The following FRA10AC1 variants were observed in gnomAD, a reference collection of about 807,000 sequenced individuals.
FRA10AC1 encodes the protein protein FRA10AC1.
In FRA10AC1, 43 loss-of-function variants were observed where a neutral mutation model predicts 56.5. The observed-to-expected ratio is 0.76, with a 90% CI of 0.60 to 0.98. The LOEUF is 0.98. Among genes scored for constraint, FRA10AC1 ranks in the 50% least tolerant of loss-of-function variants. The probability of loss-of-function intolerance (pLI) is 0.00; values close to 1 mark genes in which losing one functional copy is unlikely to be tolerated. For missense variants in FRA10AC1, 346 were observed against 351.8 expected (o/e 0.98, Z 0.13); for synonymous variants, 112 against 110.5 (o/e 1.01, Z -0.09).
At chr10:93,686,996 G>A (rs112951119) in intron 8 of FRA10AC1, among the ~76,000 whole-genome samples, 12 of 151,912 alleles carry the variant, frequency 7.9e-5, no homozygotes, top group African/African-American at 2.6e-4. Flanking sequence ...ATTCTATTGG[G>A]ATTAAAGTGA....
rs538611753 is a variant in FRA10AC1, at chr10:93,678,860, A to AG, written c.788-2170_788-2169insC. Among the ~76,000 whole-genome samples, 341 of 151,976 alleles carry AG rather than the reference A, an allele frequency of 2.2e-3. 5 individuals are homozygous for AG. Among genetic ancestry groups the AG allele is most frequent in the African/African-American group, 7.4e-3 (307 of 41,496 alleles). On this transcript the variant is annotated intron_variant, in intron 11 of 13. Transcript: ENST00000359204. ...GAACAAGACCCTGTCTTACAAAAAAAAAAAAGCATTAGCTAAAGAGAGGCC... is the reference window on the plus strand; with the variant it reads ...GAACAAGACCCTGTCTTACAAAAAAAGAAAAAGCATTAGCTAAAGAGAGGCC...
At chr10:93,670,100 C>T (rs539783595) in intron 13 of FRA10AC1, among the ~76,000 whole-genome samples, 1 of 152,228 alleles carries the variant, frequency 6.6e-6, no homozygotes, top group African/African-American at 2.4e-5. Context: ...GCACCTCTCC[C>T]TAAATGTATT....
intron 6 of FRA10AC1, 85 bp downstream of exon 6, chr10:93,692,561 G>A: frequency 1.2e-6 from 1 of 806,524 alleles, no homozygotes; most frequent in Non-Finnish European, 2.1e-6. Flanking sequence ...TGAAGGGGCT[G>A]AACACCTTGA....
chr10:93,696,260 G>A (rs1371669654), intron 4 of FRA10AC1, among the ~76,000 whole-genome samples: 1 of 152,172 alleles, frequency 6.6e-6, no homozygotes, highest in Non-Finnish European at 1.5e-5. Context: ...TGGAGGTAAA[G>A]AAGGTGACAA....
intron 7 of FRA10AC1, among the ~76,000 whole-genome samples, chr10:93,691,173 T>C (rs1317072433): frequency 6.6e-6 from 1 of 152,184 alleles, no homozygotes; most frequent in Non-Finnish European, 1.5e-5. Flanking sequence ...ATGTTTGAGA[T>C]AGAAATAAAA....
At chr10:93,673,509 A>C in intron 12 of FRA10AC1, 1 of 371,636 alleles carries the variant, frequency 2.7e-6, no homozygotes, top group African/African-American at 2.1e-5. Context: ...TGAATAATGA[A>C]AGTAGGTCTA....
chr10:93,696,871 A>G (rs2059242157), intron 4 of FRA10AC1, among the ~76,000 whole-genome samples: 2 of 152,128 alleles, frequency 1.3e-5, no homozygotes, highest in Admixed American at 1.3e-4. Context: ...ACCAAACACC[A>G]CATGTTGTCA....
chr10:93,675,501 T>TC (rs1294862114), intron 12 of FRA10AC1: 2 of 157,948 alleles, frequency 1.3e-5, no homozygotes. Flanking sequence ...GGTCAGGAGT[T>TC]CAAGACCAGC....
Position 93,702,519 on chromosome 10 carries a change from A to G in FRA10AC1, c.-145T>C, listed in dbSNP as rs1012894150. On this transcript the variant is annotated 5_prime_UTR_variant, in exon 1 of 14. Coordinates refer to ENST00000359204, the MANE Select transcript of FRA10AC1 (RefSeq NM_145246.5). ...CCTGCCGCACAGCCTCGCCACAACC[A>G]CCACCGCCGCCGCCGCCGCCGCCGC... is the stretch of plus-strand genomic sequence containing the variant. The G allele has an allele frequency of 1.1e-3, 183 of 159,600 alleles. 11 individuals carry two copies. Among genetic ancestry groups the G allele is most frequent in the Middle Eastern group, 2.5e-3 (1 of 394 alleles). 9.9% of individuals were successfully genotyped at this position (159,600 alleles called of 1,614,324 possible).
chr10:93,696,546 C>T (rs1357658807), intron 4 of FRA10AC1, among the ~76,000 whole-genome samples: 1 of 152,188 alleles, frequency 6.6e-6, no homozygotes, highest in African/African-American at 2.4e-5. Context: ...GACAATGTGG[C>T]AATTCCTCAA....
intron 10 of FRA10AC1, among the ~76,000 whole-genome samples, chr10:93,682,631 T>A (rs150414667): frequency 4.3e-4 from 65 of 152,102 alleles, no homozygotes; most frequent in African/African-American, 1.5e-3. Flanking sequence ...GGAAACACCA[T>A]CTCTACAAAA....
rs143805574 is a variant in FRA10AC1, at chr10:93,671,718, T to C, written c.827-870A>G. On this transcript the variant is annotated intron_variant, in intron 12 of 13. Transcript: ENST00000359204. The stretch of plus-strand genomic sequence containing the variant: ...TTTAAAAAGTTACAAAAAGTATGCA[T>C]AGTATAATAGATATGTTAAAAACAT... 5.2e-3 allele frequency: 1,117 copies of C among 216,184 alleles called. 18 individuals are homozygous for C. Among genetic ancestry groups the C allele is most frequent in the African/African-American group, 0.023 (961 of 42,120 alleles). The allele number at this position is 216,184 out of a possible 1,614,324, so 13.4% of individuals were successfully genotyped here.
intron 1 of FRA10AC1, among the ~76,000 whole-genome samples, chr10:93,700,711 T>A (rs1374169227): frequency 6.6e-6 from 1 of 152,228 alleles, no homozygotes; most frequent in African/African-American, 2.4e-5. Context: ...CAGTACATCA[T>A]CAATTGATGA....
chr10:93,694,905 A>G lies in FRA10AC1; in HGVS notation c.252T>C (p.Tyr84=). 6.3e-7 allele frequency: 1 copy of G among 1,582,760 alleles called. No homozygotes were observed. ...CTTTTTTGCCACCATAGTATAAAAT[A>G]TAGTCATTTACGAACTTTGTATGTC... ...YQRHTKFVND[Y]ILYYGGKKED... is the part of the protein sequence containing the mutation. The change falls in exon 5 of 14, where the codon TAT becomes TAC. Residue 84 remains tyrosine, a synonymous_variant. Transcript: ENST00000359204.
At chr10:93,688,719 G>A (rs924235594) in intron 7 of FRA10AC1, among the ~76,000 whole-genome samples, 3 of 152,054 alleles carry the variant, frequency 2.0e-5, no homozygotes, top group African/African-American at 4.8e-5. Context: ...GAACCTGGGA[G>A]GTGGAGGCTG....
chr10:93,686,450 G>GA (rs1456825345), intron 8 of FRA10AC1, among the ~76,000 whole-genome samples: 1 of 151,664 alleles, frequency 6.6e-6, no homozygotes, highest in African/African-American at 2.4e-5. Context: ...AAACTCACCT[G>GA]AAAATCTCAT....
chr10:93,689,603 C>A (rs972027961), intron 7 of FRA10AC1, among the ~76,000 whole-genome samples: 3 of 152,112 alleles, frequency 2.0e-5, no homozygotes, highest in African/African-American at 2.4e-5. Context: ...TTGGGCTTGG[C>A]ATTCCACTGA....
In FRA10AC1 at chr10:93,669,798, T is replaced by C; in HGVS notation, c.*28A>G. 6.7e-7 allele frequency: 1 copy of C among 1,482,610 alleles called. No homozygotes were observed. The highest frequency in any genetic ancestry group is 9.3e-7 in the Non-Finnish European group (1 of 1,080,508). 91.8% of individuals were successfully genotyped at this position (1,482,610 alleles called of 1,614,324 possible). A position where few individuals can be genotyped will look rare whatever the true frequency, so the allele number is the denominator to read the frequency against. On this transcript the variant is annotated 3_prime_UTR_variant, in exon 14 of 14. Transcript: ENST00000359204. The stretch of plus-strand genomic sequence containing the variant: ...TTTAAAACTTCATGAAGTTTCACAT[T>C]AAGGAGCGGAGGCTTCTCTCTCTCG...
At chr10:93,686,594 T>C (rs1225994104) in intron 8 of FRA10AC1, among the ~76,000 whole-genome samples, 2 of 151,830 alleles carry the variant, frequency 1.3e-5, no homozygotes, top group East Asian at 3.8e-4. Context: ...CTTAATGTTG[T>C]TTTATGGCAT....
Sources: allele counts gnomAD v4.1 joint callset (sites outside exome capture counted in the v4.1 genomes callset), GRCh38; gene constraint gnomAD v4.1.1; transcripts MANE v1.5; gene names NCBI Gene and HGNC (gene_info 2026-07-23, HGNC 2026-07-21).